MCC: variants seen among roughly 807,000 people sequenced by gnomAD.
MCC encodes colorectal mutant cancer protein.
MCC carries 90 observed loss-of-function variants against 116.2 expected under a neutral mutation model. That is an observed-to-expected ratio of 0.77 (90% CI 0.65 to 0.92). MCC has a LOEUF of 0.92. Among genes scored for constraint, MCC ranks in the 40% least tolerant of loss-of-function variants. The probability of loss-of-function intolerance (pLI) is 0.00; values close to 1 mark genes in which losing one functional copy is unlikely to be tolerated. For missense variants in MCC, 1,516 were observed against 1,312.2 expected (o/e 1.16, Z -2.40); for synonymous variants, 578 against 510.5 (o/e 1.13, Z -1.78).
At chr5:113,205,680 T>C (rs946284314) in intron 3 of MCC, among the ~76,000 whole-genome samples, 1 of 152,198 alleles carries the variant, frequency 6.6e-6, no homozygotes, top group Non-Finnish European at 1.5e-5. Flanking sequence ...TCTTAAAGAG[T>C]ATTTTTATAT....
At chr5:113,235,169 G>A (rs1367009691) in intron 3 of MCC, among the ~76,000 whole-genome samples, 2 of 152,248 alleles carry the variant, frequency 1.3e-5, no homozygotes, top group East Asian at 3.9e-4. Flanking sequence ...CAATAAAAAT[G>A]GGCTTTTTAA....
In MCC at chr5:113,382,963, C is replaced by T. The variant is rs7736738; in HGVS notation, c.415+2005G>A. On this transcript the variant is annotated intron_variant, in intron 2 of 18. Transcript: ENST00000408903. The stretch of plus-strand genomic sequence containing the variant: ...TTATGAATCACCTCCTGTCAGTTAC[C>T]ACCTCTTTTCCCAAGGGTATAAGGT... 1.3e-3 allele frequency among the ~76,000 whole-genome samples: 196 copies of T among 152,248 alleles called. 1 individual carries two copies. The highest frequency in any genetic ancestry group is 4.5e-3 in the African/African-American group (188 of 41,540).
intron 3 of MCC, among the ~76,000 whole-genome samples, chr5:113,289,739 C>T (rs1157457624): frequency 6.6e-6 from 1 of 152,196 alleles, no homozygotes; most frequent in African/African-American, 2.4e-5. Flanking sequence ...TCCTCTTGCT[C>T]TAGTCACTGA....
At chr5:113,306,037 A>C (rs1365892097) in intron 3 of MCC, among the ~76,000 whole-genome samples, 1 of 152,132 alleles carries the variant, frequency 6.6e-6, no homozygotes, top group Admixed American at 6.5e-5. Flanking sequence ...GGCTTCTTTC[A>C]CTTAGCCTGT....
At chr5:113,135,158 T>C (rs1368520779) in intron 5 of MCC, among the ~76,000 whole-genome samples, 6 of 151,372 alleles carry the variant, frequency 4.0e-5, no homozygotes, top group Non-Finnish European at 8.9e-5. Flanking sequence ...CAGGCTGGTC[T>C]TGAACTCCTG....
intron 1 of MCC, among the ~76,000 whole-genome samples, chr5:113,428,224 A>C (rs1770532942): frequency 6.6e-6 from 1 of 152,164 alleles, no homozygotes; most frequent in Admixed American, 6.5e-5. Context: ...AACCACAAGA[A>C]AAACAAATGA....
At chr5:113,067,691 C>A (rs1446281898) in intron 13 of MCC, among the ~76,000 whole-genome samples, 1 of 152,242 alleles carries the variant, frequency 6.6e-6, no homozygotes, top group African/African-American at 2.4e-5. Context: ...CTTGGAGAAG[C>A]TCAGCCAATG....
At chr5:113,050,255 A>C (rs1311270216) in intron 15 of MCC, among the ~76,000 whole-genome samples, 3 of 152,242 alleles carry the variant, frequency 2.0e-5, no homozygotes, top group Non-Finnish European at 4.4e-5. Flanking sequence ...CCTCCCTTTC[A>C]AGGTGAGCCC....
intron 3 of MCC, among the ~76,000 whole-genome samples, chr5:113,211,163 G>A (rs751778936): frequency 6.6e-6 from 1 of 152,152 alleles, no homozygotes; most frequent in Non-Finnish European, 1.5e-5. Flanking sequence ...GAACCCTCAC[G>A]AATGGGATTA....
Position 113,245,509 on chromosome 5 carries a change from C to T in MCC, c.628-94087G>A, listed in dbSNP as rs538446272. Among the ~76,000 whole-genome samples the T allele has an allele frequency of 2.6e-5, 4 of 152,046 alleles. No homozygotes were observed. In the South Asian group the frequency reaches 8.3e-4, roughly 32 times the overall value. On this transcript the variant is annotated intron_variant, in intron 3 of 18. Coordinates refer to ENST00000408903, the MANE Select transcript of MCC (RefSeq NM_001085377.2). The stretch of plus-strand genomic sequence containing the variant: ...AAGTAGAATTTAGTCCTTGCCACAA[C>T]CAAGCCTTATGTCCTTGAAGCAACC...
chr5:113,068,887 C>T (rs1200400531), intron 12 of MCC, among the ~76,000 whole-genome samples: 1 of 152,192 alleles, frequency 6.6e-6, no homozygotes, highest in Non-Finnish European at 1.5e-5. Context: ...GAACCAGAAC[C>T]ACCTACTAAG....
chr5:113,065,547 G>C (rs1387358783), intron 13 of MCC, among the ~76,000 whole-genome samples: 1 of 152,086 alleles, frequency 6.6e-6, no homozygotes, highest in Admixed American at 6.6e-5. Context: ...GGATGAAGTG[G>C]GCAGAAGTGG....
At chr5:113,131,166 C>A (rs1758405092) in intron 5 of MCC, among the ~76,000 whole-genome samples, 1 of 152,158 alleles carries the variant, frequency 6.6e-6, no homozygotes, top group Non-Finnish European at 1.5e-5. Flanking sequence ...TAGTGAGAGG[C>A]TGATGTTATG....
At chr5:113,218,118 T>G (rs1185669533) in intron 3 of MCC, among the ~76,000 whole-genome samples, 4 of 54,086 alleles carry the variant, frequency 7.4e-5, no homozygotes, top group Non-Finnish European at 1.1e-4. Flanking sequence ...GGTGGGAAAC[T>G]GGGGGGAGTA....
At chr5:113,357,680 C>T (rs1219325761) in intron 2 of MCC, among the ~76,000 whole-genome samples, 3 of 152,152 alleles carry the variant, frequency 2.0e-5, no homozygotes, top group East Asian at 1.9e-4. Context: ...GAGCTTAACT[C>T]ATATATGACC....
chr5:113,116,733 G>C (rs1757418762), intron 6 of MCC, among the ~76,000 whole-genome samples: 1 of 152,188 alleles, frequency 6.6e-6, no homozygotes, highest in Admixed American at 6.5e-5. Context: ...GTTACTCTAA[G>C]GAAGATTCTG....
At chr5:113,239,730 G>C (rs1764291049) in intron 3 of MCC, among the ~76,000 whole-genome samples, 1 of 152,162 alleles carries the variant, frequency 6.6e-6, no homozygotes, top group Non-Finnish European at 1.5e-5. Flanking sequence ...GCTTATTTTA[G>C]GCAACTATGG....
At chr5:113,357,712 C>T (rs961199560) in intron 2 of MCC, among the ~76,000 whole-genome samples, 7 of 152,100 alleles carry the variant, frequency 4.6e-5, no homozygotes, top group Admixed American at 3.3e-4. Context: ...CTACTGGTAA[C>T]GGAAGAACGC....
Position 113,043,593 on chromosome 5 carries a change from G to C in MCC, c.2693C>G (p.Ala898Gly), listed in dbSNP as rs1751874459. 1.2e-6 allele frequency: 2 copies of C among 1,614,036 alleles called. No individual in the cohort carries two copies. The highest frequency in any genetic ancestry group is 1.7e-6 in the Non-Finnish European group (2 of 1,179,984). Residue 898 changes from alanine to glycine, a missense_variant, in exon 17 of 19, where the codon GCC becomes GGC. Ala to Gly is a moderately conservative substitution (Grantham distance 60, BLOSUM62 0). Transcript: ENST00000408903. ...ADAASPALSL[A>G]ELRTTCSENE... Reference sequence around the variant, plus strand: ...CTCGCTGCACGTTGTCCTGAGTTCGGCTAGGGACAGAGCTGGGGAGGCAGC... The same window carrying C: ...CTCGCTGCACGTTGTCCTGAGTTCGCCTAGGGACAGAGCTGGGGAGGCAGC...
Sources: gnomAD v4.1 joint callset for allele counts (sites outside exome capture counted in the v4.1 genomes callset) on GRCh38, gnomAD v4.1.1 for gene constraint, MANE v1.5 for transcripts, NCBI Gene and HGNC (gene_info 2026-07-23, HGNC 2026-07-21) for gene names.